NAMPT: variants seen among roughly 807,000 people sequenced by gnomAD.
NAMPT encodes the protein NAmPRTase.
In NAMPT, 7 loss-of-function variants were observed where a neutral mutation model predicts 58.7. The observed-to-expected ratio is 0.12, with a 90% CI of 0.07 to 0.22. NAMPT has a LOEUF of 0.22. Among genes scored for constraint, NAMPT ranks in the 10% least tolerant of loss-of-function variants. NAMPT has a pLI of 1.00. For missense variants in NAMPT, 271 were observed against 567.9 expected (o/e 0.48, Z 5.31); for synonymous variants, 145 against 198.1 (o/e 0.73, Z 2.25).
chr7:106,285,343 G>T (rs1792858599), upstream of NAMPT: 2 of 447,294 alleles, frequency 4.5e-6, no homozygotes, highest in East Asian at 1.5e-4. Context: ...CGGCACGGGC[G>T]CGGGAGGGCG....
intron 1 of NAMPT, among the ~76,000 whole-genome samples, chr7:106,280,982 C>CTT (rs1447132258): frequency 2.7e-5 from 4 of 150,938 alleles, no homozygotes; most frequent in Non-Finnish European, 4.4e-5. Flanking sequence ...AAATGTAGTT[C>CTT]TTTTAACATA....
intron 6 of NAMPT, among the ~76,000 whole-genome samples, chr7:106,267,863 A>C (rs974729966): frequency 1.4e-4 from 19 of 138,466 alleles, no homozygotes; most frequent in African/African-American, 4.6e-4. Flanking sequence ...AAAAAAAAAA[A>C]AAAAAAAAAA....
In NAMPT at chr7:106,259,655, T is replaced by C. The variant is rs577668050; in HGVS notation, c.1089+1933A>G. On this transcript the variant is annotated intron_variant, in intron 8 of 10. Transcript: ENST00000222553. Reference sequence around the variant, plus strand: ...GGCCAGGATGATCTTGATCTCCTGATTGCGTGATCTGCCTGTCTCGGTCTC... The same window carrying C: ...GGCCAGGATGATCTTGATCTCCTGACTGCGTGATCTGCCTGTCTCGGTCTC... Among the ~76,000 whole-genome samples, 70 of 152,196 alleles carry C rather than the reference T, an allele frequency of 4.6e-4. 1 individual carries two copies. Among genetic ancestry groups the C allele is most frequent in the African/African-American group, 1.5e-3 (63 of 41,532 alleles).
upstream of NAMPT, chr7:106,285,186 C>T: frequency 3.3e-6 from 4 of 1,217,600 alleles, no homozygotes. Context: ...GGGCGGGGCG[C>T]GGCAGCGCGC....
At chr7:106,252,149 G>A (rs1371582549) in intron 10 of NAMPT, among the ~76,000 whole-genome samples, 4 of 151,978 alleles carry the variant, frequency 2.6e-5, no homozygotes, top group African/African-American at 4.8e-5. Context: ...TTAAATCAGT[G>A]TCTTTTAAAA....
At chr7:106,285,612 C>T (rs773503561), upstream of NAMPT, 254 of 985,630 alleles carry the variant, frequency 2.6e-4, no homozygotes, top group Non-Finnish European at 2.8e-4. Context: ...ATCCTCCTGA[C>T]CCTGTCTTTA....
chr7:106,273,134 G>A (rs1792569505), intron 3 of NAMPT, among the ~76,000 whole-genome samples: 1 of 152,206 alleles, frequency 6.6e-6, no homozygotes, highest in Admixed American at 6.5e-5. Flanking sequence ...GAGAGAAGGA[G>A]AGCTAGGGAA....
chr7:106,283,957 C>T (rs1380451333), intron 1 of NAMPT, among the ~76,000 whole-genome samples: 1 of 152,214 alleles, frequency 6.6e-6, no homozygotes, highest in African/African-American at 2.4e-5. Flanking sequence ...TTCACTACTG[C>T]GTGCTTCATA....
chr7:106,263,039 A>G (rs879640571), intron 7 of NAMPT: 21 of 226,344 alleles, frequency 9.3e-5, no homozygotes, highest in Non-Finnish European at 1.8e-4. Flanking sequence ...ACAACTTCAA[A>G]GGTCTAGCAG....
At chr7:106,274,503 A>C (rs141946406) in intron 3 of NAMPT, among the ~76,000 whole-genome samples, 191 of 152,208 alleles carry the variant, frequency 1.3e-3, no homozygotes, top group African/African-American at 4.2e-3. Context: ...ATGGCTATGA[A>C]ATAGCCATTA....
Position 106,248,852 on chromosome 7 carries a change from A to G in NAMPT, c.*2231T>C, listed in dbSNP as rs1175280055. 6.6e-6 allele frequency: 1 copy of G among 152,134 alleles called. No homozygotes were observed. Among genetic ancestry groups the G allele is most frequent in the Non-Finnish European group, 1.5e-5 (1 of 67,998 alleles). 9.4% of individuals were successfully genotyped at this position (152,134 alleles called of 1,614,324 possible). A position where few individuals can be genotyped will look rare whatever the true frequency, so the allele number is the denominator to read the frequency against. On this transcript the variant is annotated 3_prime_UTR_variant, in exon 11 of 11. Coordinates refer to ENST00000222553, the MANE Select transcript of NAMPT (RefSeq NM_005746.3). ...GGAGATGGCCAAATACCAAGTGCTT[A>G]GTGACAGAAAGTCAGAATTAATCAG... is the stretch of plus-strand genomic sequence containing the variant.
chr7:106,257,183 G>GTACA (rs982875574), intron 8 of NAMPT, among the ~76,000 whole-genome samples: 1 of 151,444 alleles, frequency 6.6e-6, no homozygotes, highest in Non-Finnish European at 1.5e-5. Context: ...TCCTTCCTGA[G>GTACA]TACATCTGCA....
upstream of NAMPT, chr7:106,285,537 T>C: frequency 1.0e-6 from 1 of 986,094 alleles, no homozygotes; most frequent in South Asian, 4.7e-5. Flanking sequence ...GCGCAGTTAC[T>C]CACCTTTGTC....
intron 10 of NAMPT, among the ~76,000 whole-genome samples, chr7:106,252,669 G>A (rs1257441271): frequency 6.6e-6 from 1 of 152,028 alleles, no homozygotes; most frequent in African/African-American, 2.4e-5. Context: ...AGAAAACTTG[G>A]TTAAATCAAG....
Position 106,264,308 on chromosome 7 carries a change from G to A in NAMPT, c.744-691C>T, listed in dbSNP as rs143313369. ...AATTAAGATGGAAAATAAAGTATGA[G>A]AGTTTCTATTGGATAAGAATGGTTA... On this transcript the variant is annotated intron_variant, in intron 6 of 10. Transcript: ENST00000222553. 2.8e-3 allele frequency among the ~76,000 whole-genome samples: 433 copies of A among 152,170 alleles called. 3 individuals carry two copies. The highest frequency in any genetic ancestry group is 0.01 in the African/African-American group (416 of 41,546).
intron 4 of NAMPT, among the ~76,000 whole-genome samples, 195 bp from the exon 5 acceptor site, chr7:106,269,507 C>T (rs1253226716): frequency 6.6e-6 from 1 of 151,754 alleles, no homozygotes; most frequent in Non-Finnish European, 1.5e-5. Context: ...AAATCAGCAA[C>T]AAAGAAGATA....
chr7:106,279,516 T>G (rs984797563), intron 1 of NAMPT, among the ~76,000 whole-genome samples: 2 of 152,214 alleles, frequency 1.3e-5, no homozygotes, highest in African/African-American at 4.8e-5. Context: ...TCAAAAGGAT[T>G]TATAATGATT....
intron 9 of NAMPT, 29 bp downstream of exon 9, chr7:106,254,335 A>G: frequency 6.2e-7 from 1 of 1,611,198 alleles, no homozygotes; most frequent in South Asian, 1.1e-5. Flanking sequence ...GGAAGGTAGT[A>G]ACACAGAAGT....
At chr7:106,284,045 A>C (rs1004290359) in intron 1 of NAMPT, among the ~76,000 whole-genome samples, 1 of 152,164 alleles carries the variant, frequency 6.6e-6, no homozygotes, top group African/African-American at 2.4e-5. Context: ...CCCTCTCCAC[A>C]TGTTCTCTAG....
Sources: gnomAD v4.1 joint callset for allele counts (sites outside exome capture counted in the v4.1 genomes callset) on GRCh38, gnomAD v4.1.1 for gene constraint, MANE v1.5 for transcripts, NCBI Gene and HGNC (gene_info 2026-07-23, HGNC 2026-07-21) for gene names.